The following DGKI variants were observed in gnomAD, a reference collection of about 807,000 sequenced individuals.
DGKI encodes diacylglycerol kinase iota, also known as DAG kinase iota.
Under a neutral mutation model 147.5 loss-of-function variants are expected in DGKI, and 55 were observed. That is an observed-to-expected ratio of 0.37 (90% confidence interval 0.30 to 0.47). The LOEUF (loss-of-function observed/expected upper bound fraction) is 0.47. Among genes scored for constraint, DGKI ranks in the 20% least tolerant of loss-of-function variants. The pLI is 1.00. For synonymous variants in DGKI, 469 were observed against 477.1 expected, an observed-to-expected ratio of 0.98 and a Z score of 0.22; for missense variants, 1,007 against 1,323.8, an observed-to-expected ratio of 0.76 and a Z score of 3.71.
chr7:137,744,087 G>A (rs1204227644), intron 1 of DGKI, among the ~76,000 whole-genome samples: 1 of 151,188 alleles, frequency 6.6e-6, no homozygotes, highest in African/African-American at 2.4e-5. Flanking sequence ...ACCATACAAA[G>A]GGTCAAAAAA....
At chr7:137,551,681 TA>T (rs1818049471) in intron 20 of DGKI, among the ~76,000 whole-genome samples, 1 of 152,224 alleles carries the variant, frequency 6.6e-6, no homozygotes, top group Admixed American at 6.5e-5. Flanking sequence ...ATATGAATTC[TA>T]AATATCTAGC....
At chr7:137,424,355 C>A (rs1168620669) in intron 28 of DGKI, among the ~76,000 whole-genome samples, 1 of 152,102 alleles carries the variant, frequency 6.6e-6, no homozygotes, top group Non-Finnish European at 1.5e-5. Flanking sequence ...CAAGACTAAA[C>A]CTTCATTCTT....
At chr7:137,417,170 CA>C (rs1241134332) in intron 28 of DGKI, among the ~76,000 whole-genome samples, 1 of 152,158 alleles carries the variant, frequency 6.6e-6, no homozygotes, top group East Asian at 1.9e-4. Flanking sequence ...TTGCCTTTCT[CA>C]AAACTCCTTC....
chr7:137,480,697 C>T (rs185597957), intron 23 of DGKI, among the ~76,000 whole-genome samples: 1 of 152,160 alleles, frequency 6.6e-6, no homozygotes, highest in African/African-American at 2.4e-5. Context: ...TCCAACCATT[C>T]TGGTACTATT....
intron 1 of DGKI, among the ~76,000 whole-genome samples, chr7:137,699,283 G>A (rs1249482469): frequency 6.6e-6 from 1 of 152,196 alleles, no homozygotes; most frequent in Admixed American, 6.5e-5. Context: ...TCACCTTGGG[G>A]GTTAGGATTT....
chr7:137,578,867 T>C (rs1018389427), intron 15 of DGKI, among the ~76,000 whole-genome samples: 8 of 152,210 alleles, frequency 5.3e-5, no homozygotes, highest in African/African-American at 1.7e-4. Flanking sequence ...GAGTTTGATT[T>C]GTGTTTGGAA....
intron 1 of DGKI, among the ~76,000 whole-genome samples, chr7:137,808,024 A>G (rs1797435676): frequency 6.6e-6 from 1 of 152,230 alleles, no homozygotes; most frequent in African/African-American, 2.4e-5. Context: ...ATTGGCTTAC[A>G]GACCACACTT....
chr7:137,806,401 T>A (rs1707165457), intron 1 of DGKI, among the ~76,000 whole-genome samples: 1 of 152,092 alleles, frequency 6.6e-6, no homozygotes, highest in South Asian at 2.1e-4. Flanking sequence ...CAATGCCACA[T>A]GATTGGAAAC....
chr7:137,711,964 A>G (rs2116570227), intron 1 of DGKI, among the ~76,000 whole-genome samples: 1 of 152,068 alleles, frequency 6.6e-6, no homozygotes, highest in East Asian at 1.9e-4. Context: ...AGTGCTGGGG[A>G]TTACAGGCGT....
Position 137,700,934 on chromosome 7 carries a change from C to T in DGKI, c.402-10932G>A, listed in dbSNP as rs193246992. 8.6e-5 allele frequency among the ~76,000 whole-genome samples: 13 copies of T among 151,446 alleles called. No homozygotes were observed. In the East Asian group the frequency reaches 2.3e-3, roughly 27 times the overall value. ...ATAAATAAATAAATAAAATAAAGTG[C>T]CTTCTTTAAGGTTTAATAGGAAGTT... On this transcript the variant is annotated intron_variant, in intron 1 of 32. Coordinates refer to ENST00000614521, the MANE Select transcript of DGKI (RefSeq NM_001321708.2).
At chr7:137,829,076 C>T (rs1380858061) in intron 1 of DGKI, among the ~76,000 whole-genome samples, 1 of 152,180 alleles carries the variant, frequency 6.6e-6, no homozygotes, top group Non-Finnish European at 1.5e-5. Flanking sequence ...ACAAGCTGAA[C>T]TATTTTAGAT....
intron 3 of DGKI, among the ~76,000 whole-genome samples, chr7:137,672,559 C>T (rs1822879737): frequency 6.6e-6 from 1 of 152,168 alleles, no homozygotes; most frequent in Admixed American, 6.5e-5. Context: ...TTCTCTCACA[C>T]TCCTAGAGGC....
At position 137,384,787 on chromosome 7, in the gene DGKI, CT is replaced by C. The variant is rs1370344311; in HGVS notation, c.*6432del. On this transcript the variant is annotated 3_prime_UTR_variant, in exon 33 of 33. Coordinates refer to ENST00000614521, the MANE Select transcript of DGKI (RefSeq NM_001321708.2). ...GAGTGAAAACTATATGTGTGTTTCA[CT>C]AAAGGTCTGAGGGAAAAGATAATTT... is the stretch of plus-strand genomic sequence containing the variant. The C allele has an allele frequency of 6.6e-6, 1 of 152,036 alleles. No individual in the cohort carries two copies. Among genetic ancestry groups the C allele is most frequent in the Non-Finnish European group, 1.5e-5 (1 of 67,968 alleles). 9.4% of individuals were successfully genotyped at this position (152,036 alleles called of 1,614,324 possible).
intron 20 of DGKI, among the ~76,000 whole-genome samples, chr7:137,527,482 T>G (rs1817190624): frequency 6.6e-6 from 1 of 152,222 alleles, no homozygotes; most frequent in African/African-American, 2.4e-5. Flanking sequence ...GGATGGTGAA[T>G]GTTTGCAAGT....
At chr7:137,775,535 G>T (rs1041354254) in intron 1 of DGKI, among the ~76,000 whole-genome samples, 2 of 152,168 alleles carry the variant, frequency 1.3e-5, no homozygotes, top group African/African-American at 4.8e-5. Flanking sequence ...ATATTTTCAG[G>T]TGATAATATG....
chr7:137,819,883 T>A (rs1364386876), intron 1 of DGKI, among the ~76,000 whole-genome samples: 1 of 152,144 alleles, frequency 6.6e-6, no homozygotes, highest in Non-Finnish European at 1.5e-5. Flanking sequence ...CTATTCCTTG[T>A]CCCCCTACAG....
chr7:137,814,020 T>A (rs1797666046), intron 1 of DGKI, among the ~76,000 whole-genome samples: 1 of 152,198 alleles, frequency 6.6e-6, no homozygotes, highest in South Asian at 2.1e-4. Context: ...CAGGACATAT[T>A]GTGAAACCCC....
chr7:137,563,467 A>G, intron 19 of DGKI, among the ~76,000 whole-genome samples: 1 of 152,000 alleles, frequency 6.6e-6, no homozygotes, highest in East Asian at 1.9e-4. Flanking sequence ...TAAAAATGGA[A>G]AGGCATGTAA....
chr7:137,686,179 A>G (rs1823408511), intron 2 of DGKI, among the ~76,000 whole-genome samples: 1 of 152,248 alleles, frequency 6.6e-6, no homozygotes, highest in South Asian at 2.1e-4. Context: ...ATGCACTACC[A>G]ACAGAGAGGT....
Sources: allele counts gnomAD v4.1 joint callset (sites outside exome capture counted in the v4.1 genomes callset), GRCh38; gene constraint gnomAD v4.1.1; transcripts MANE v1.5; gene names NCBI Gene and HGNC (gene_info 2026-07-23, HGNC 2026-07-21).